Variants in MAGI1 observed in about 807,000 individuals in gnomAD.
The protein encoded by MAGI1 is membrane-associated guanylate kinase, WW and PDZ domain-containing protein 1.
Under a neutral mutation model 139.9 loss-of-function variants are expected in MAGI1, and 58 were observed. The ratio of observed to expected loss-of-function variants is 0.41; its 90% CI spans 0.34 to 0.52. The LOEUF (loss-of-function observed/expected upper bound fraction) is 0.52, where lower values mean the gene tolerates loss of function less well. MAGI1 is among the 20% of genes least tolerant of loss of function. The probability of loss-of-function intolerance (pLI) is 0.12; values close to 1 mark genes in which losing one functional copy is unlikely to be tolerated. For synonymous variants in MAGI1, 812 were observed against 737.9 expected, an observed-to-expected ratio of 1.10 and a Z score of -1.63; for missense variants, 1,874 against 1,901.6, an observed-to-expected ratio of 0.99 and a Z score of 0.27.
At chr3:65,812,445 T>TTCTCTCTCTC (rs530333757) in intron 1 of MAGI1, among the ~76,000 whole-genome samples, 15 of 130,664 alleles carry the variant, frequency 1.1e-4, no homozygotes, top group East Asian at 2.5e-4. Flanking sequence ...CTCTCTCTCT[T>TTCTCTCTCTC]TCTCTCTCTC....
intron 1 of MAGI1, among the ~76,000 whole-genome samples, chr3:65,968,468 C>T (rs2064864210): frequency 6.6e-6 from 1 of 151,832 alleles, no homozygotes; most frequent in Non-Finnish European, 1.5e-5. Flanking sequence ...CATCTTGGTG[C>T]TGATGGAAAA....
At chr3:65,834,312 G>C (rs922944371) in intron 1 of MAGI1, among the ~76,000 whole-genome samples, 3 of 152,176 alleles carry the variant, frequency 2.0e-5, no homozygotes, top group Admixed American at 6.5e-5. Flanking sequence ...TCTGAGGGAA[G>C]AGCATTCCAC....
intron 1 of MAGI1, among the ~76,000 whole-genome samples, chr3:65,986,015 A>G (rs2065860837): frequency 6.6e-6 from 1 of 152,224 alleles, no homozygotes; most frequent in Non-Finnish European, 1.5e-5. Flanking sequence ...TCTGCCCTTC[A>G]TTGGCTTTTG....
intron 5 of MAGI1, among the ~76,000 whole-genome samples, chr3:65,456,421 A>G (rs1949394322): frequency 6.7e-6 from 1 of 150,120 alleles, no homozygotes; most frequent in African/African-American, 2.5e-5. Context: ...TCCTTTGTAT[A>G]TTCTACATAC....
At chr3:65,749,297 A>T (rs1300994089) in intron 1 of MAGI1, among the ~76,000 whole-genome samples, 1 of 152,226 alleles carries the variant, frequency 6.6e-6, no homozygotes, top group Non-Finnish European at 1.5e-5. Context: ...ATAACTGAGC[A>T]TCCATCAAAT....
chr3:65,706,646 C>A (rs2030346905), intron 1 of MAGI1, among the ~76,000 whole-genome samples: 1 of 151,998 alleles, frequency 6.6e-6, no homozygotes, highest in Non-Finnish European at 1.5e-5. Flanking sequence ...AGGATCCAGA[C>A]AGGGGATGAG....
At chr3:66,023,430 C>T (rs997271718) in intron 1 of MAGI1, among the ~76,000 whole-genome samples, 3 of 152,098 alleles carry the variant, frequency 2.0e-5, no homozygotes, top group African/African-American at 4.8e-5. Context: ...TACCTGAATC[C>T]CTTTCCTCAT....
chr3:65,360,643 G>A, intron 22 of MAGI1: 3 of 985,954 alleles, frequency 3.0e-6, no homozygotes, highest in Non-Finnish European at 3.6e-6. Context: ...TTGTTTGATA[G>A]TAGTGGGCTC....
chr3:65,868,299 A>G (rs1002650824), intron 1 of MAGI1, among the ~76,000 whole-genome samples: 1 of 152,198 alleles, frequency 6.6e-6, no homozygotes, highest in African/African-American at 2.4e-5. Context: ...TGAGACCCCA[A>G]ACTAAATGCT....
At chr3:65,946,836 A>T (rs61550967) in intron 1 of MAGI1, among the ~76,000 whole-genome samples, 3,820 of 152,328 alleles carry the variant, frequency 0.025, 155 homozygotes, top group African/African-American at 0.087. Context: ...GCAGAGTAAG[A>T]AAATATAGGA....
At chr3:65,995,340 G>C (rs1008101686) in intron 1 of MAGI1, among the ~76,000 whole-genome samples, 22 of 152,194 alleles carry the variant, frequency 1.4e-4, no homozygotes, top group Admixed American at 1.4e-3. Flanking sequence ...TAATTACAAT[G>C]AGTCATTAGT....
At chr3:65,814,135 G>A (rs1315899484) in intron 1 of MAGI1, among the ~76,000 whole-genome samples, 1 of 152,094 alleles carries the variant, frequency 6.6e-6, no homozygotes, top group Non-Finnish European at 1.5e-5. Context: ...AGCTTCAGAG[G>A]AGATCGGGTC....
intron 2 of MAGI1, among the ~76,000 whole-genome samples, chr3:65,509,447 C>T (rs540802990): frequency 1.3e-5 from 2 of 152,120 alleles, no homozygotes; most frequent in South Asian, 2.1e-4. Context: ...AGTGGGTGCG[C>T]GTACCGTGCG....
At chr3:65,784,247 G>A (rs1476659347) in intron 1 of MAGI1, among the ~76,000 whole-genome samples, 1 of 152,170 alleles carries the variant, frequency 6.6e-6, no homozygotes, top group Non-Finnish European at 1.5e-5. Context: ...TCTTCAAAAA[G>A]CTAAACATGG....
chr3:65,896,786 C>T (rs1377542585), intron 1 of MAGI1, among the ~76,000 whole-genome samples: 1 of 152,176 alleles, frequency 6.6e-6, no homozygotes, highest in Admixed American at 6.5e-5. Context: ...AGTGTAAAAG[C>T]AGGTGAGGCT....
intron 1 of MAGI1, among the ~76,000 whole-genome samples, chr3:65,663,604 G>C (rs542273736): frequency 1.3e-5 from 2 of 152,300 alleles, no homozygotes; most frequent in African/African-American, 4.8e-5. Flanking sequence ...TATCTATTGA[G>C]GGCCCACTGG....
chr3:65,948,720 C>A (rs777195493), intron 1 of MAGI1, among the ~76,000 whole-genome samples: 1 of 152,314 alleles, frequency 6.6e-6, no homozygotes, highest in Non-Finnish European at 1.5e-5. Context: ...CAAATGAGTA[C>A]ATCTATCTTT....
intron 2 of MAGI1, chr3:65,619,805 G>A: frequency 3.1e-6 from 3 of 967,800 alleles, no homozygotes; most frequent in Non-Finnish European, 3.7e-6. Flanking sequence ...GACCTCTTCT[G>A]AATTTCCTTC....
chr3:65,506,731 C>A (rs2077303673), intron 2 of MAGI1, among the ~76,000 whole-genome samples: 1 of 152,074 alleles, frequency 6.6e-6, no homozygotes. Context: ...TCCATGTTAA[C>A]CATGTTATTC....
Sources: allele counts gnomAD v4.1 joint callset (sites outside exome capture counted in the v4.1 genomes callset), GRCh38; gene constraint gnomAD v4.1.1; transcripts MANE v1.5; gene names NCBI Gene and HGNC (gene_info 2026-07-23, HGNC 2026-07-21).